Variants in ASB7 observed in about 807,000 individuals in gnomAD.
The protein encoded by ASB7 is ankyrin repeat and SOCS box protein 7.
In ASB7, 4 loss-of-function variants were observed where a neutral mutation model predicts 32.5. The ratio of observed to expected loss-of-function variants is 0.12; its 90% confidence interval spans 0.06 to 0.28. ASB7 has a LOEUF of 0.28. Among genes scored for constraint, ASB7 ranks in the 10% least tolerant of loss-of-function variants. ASB7 has a pLI of 1.00. For synonymous variants in ASB7, 172 were observed against 155.6 expected (o/e 1.11, Z -0.78); for missense variants, 181 against 407.1 (o/e 0.44, Z 4.78).
chr15:100,625,806 T>G (rs1220022069), intron 4 of ASB7, among the ~76,000 whole-genome samples: 1 of 152,154 alleles, frequency 6.6e-6, no homozygotes, highest in African/African-American at 2.4e-5. Flanking sequence ...CAGTGTGGGA[T>G]TGGTGTATGG....
chr15:100,635,943 C>T (rs1597009955), intron 5 of ASB7, among the ~76,000 whole-genome samples: 1 of 152,190 alleles, frequency 6.6e-6, no homozygotes, highest in African/African-American at 2.4e-5. Flanking sequence ...GGGTTACTCT[C>T]ACCTCCTCAT....
intron 5 of ASB7, 22 bp from the exon 6 acceptor site, chr15:100,648,301 T>A (rs1438510413): frequency 6.4e-7 from 1 of 1,566,882 alleles, no homozygotes; most frequent in Non-Finnish European, 8.6e-7. Flanking sequence ...TTTGTAACAT[T>A]TTCTTTTTTC....
In ASB7 at chr15:100,650,533, G is replaced by A. The variant is rs1030756056; in HGVS notation, c.*2071G>A. 2.6e-5 allele frequency: 4 copies of A among 152,176 alleles called. No homozygotes were observed. The highest frequency in any genetic ancestry group is 4.4e-5 in the Non-Finnish European group (3 of 68,036). The allele number at this position is 152,176 out of a possible 1,614,324, so 9.4% of individuals were successfully genotyped here. Reference sequence around the variant, plus strand: ...TGCACAAGGGCTGATTTCCACGTATGTGTGTGTTAATTTATTCACTTAGTT... The same window carrying A: ...TGCACAAGGGCTGATTTCCACGTATATGTGTGTTAATTTATTCACTTAGTT... On this transcript the variant is annotated 3_prime_UTR_variant, in exon 6 of 6. Coordinates refer to ENST00000332783, the MANE Select transcript of ASB7 (RefSeq NM_198243.3).
intron 4 of ASB7, among the ~76,000 whole-genome samples, chr15:100,612,752 A>G (rs1172548350): frequency 2.6e-5 from 4 of 152,222 alleles, no homozygotes; most frequent in Non-Finnish European, 5.9e-5. Flanking sequence ...TGGTATGCCC[A>G]TAATTAGAGA....
In ASB7 at chr15:100,648,345, C is replaced by T. The variant is rs371262240; in HGVS notation, c.840C>T (p.Asp280=). Residue 280 remains aspartate, a synonymous_variant, in exon 6 of 6, where the codon GAC becomes GAT. Coordinates refer to ENST00000332783, the MANE Select transcript of ASB7 (RefSeq NM_198243.3). ...EVTRQPRNLQ[D]LCRIKIRQCI... Reference sequence around the variant, plus strand: ...TAGGACAGCCCAGAAACTTGCAGGACCTGTGCCGAATTAAAATTCGACAAT... The same window carrying T: ...TAGGACAGCCCAGAAACTTGCAGGATCTGTGCCGAATTAAAATTCGACAAT... The T allele has an allele frequency of 1.7e-5, 28 of 1,603,878 alleles. No individual in the cohort carries two copies. The highest frequency in any genetic ancestry group is 2.1e-5 in the Non-Finnish European group (25 of 1,176,592).
At chr15:100,620,812 A>T (rs970149089) in intron 4 of ASB7, among the ~76,000 whole-genome samples, 1 of 152,244 alleles carries the variant, frequency 6.6e-6, no homozygotes, top group African/African-American at 2.4e-5. Flanking sequence ...GGAAGAGACA[A>T]TGTCTTAGTG....
At chr15:100,606,488 G>A (rs1002876563) in intron 2 of ASB7, among the ~76,000 whole-genome samples, 4 of 152,096 alleles carry the variant, frequency 2.6e-5, no homozygotes, top group Admixed American at 1.3e-4. Flanking sequence ...TTGTAACTTC[G>A]GACAGGTCTT....
rs1038792017 is a variant in ASB7 at position 100,629,204 on chromosome 15, A to C, written c.212-233A>C. ...CCGTGTTTTTTGTGTATATCTTTTT[A>C]AACACTTTGTCTTTCTCCTTTCATT... On this transcript the variant is annotated intron_variant, in intron 4 of 5. Coordinates refer to ENST00000332783, the MANE Select transcript of ASB7 (RefSeq NM_198243.3). The surrounding 1 kb of genome is among the most constrained non-coding windows in gnomAD (Gnocchi z 6.8). Among the ~76,000 whole-genome samples, 1 of 152,254 alleles carries C rather than the reference A, an allele frequency of 6.6e-6. No individual in the cohort carries two copies. The highest frequency in any genetic ancestry group is 1.5e-5 in the Non-Finnish European group (1 of 68,046).
intron 5 of ASB7, among the ~76,000 whole-genome samples, chr15:100,644,037 C>A (rs2039980942): frequency 1.3e-5 from 2 of 151,818 alleles, no homozygotes; most frequent in Non-Finnish European, 2.9e-5. Context: ...CACCTGAGGC[C>A]AGGAGTTTGA....
intron 5 of ASB7, among the ~76,000 whole-genome samples, chr15:100,644,428 A>G (rs2039983756): frequency 6.6e-6 from 1 of 152,258 alleles, no homozygotes; most frequent in South Asian, 2.1e-4. Context: ...GCCCATGAAT[A>G]GTGTTGAAAA....
At chr15:100,613,116 G>T (rs1173812161) in intron 4 of ASB7, among the ~76,000 whole-genome samples, 1 of 152,102 alleles carries the variant, frequency 6.6e-6, no homozygotes, top group Non-Finnish European at 1.5e-5. Context: ...CTAGAGATGG[G>T]TTTTTTATAT....
intron 4 of ASB7, among the ~76,000 whole-genome samples, chr15:100,617,723 G>A: frequency 6.6e-6 from 1 of 152,164 alleles, no homozygotes; most frequent in East Asian, 1.9e-4. Flanking sequence ...TAAGCGTAAT[G>A]AATTGTTTTA....
intron 2 of ASB7, among the ~76,000 whole-genome samples, chr15:100,605,023 G>A (rs2039630958): frequency 6.6e-6 from 1 of 152,214 alleles, no homozygotes. Flanking sequence ...ATGGTAAAGG[G>A]AAGGAGTCTG....
At position 100,629,156 on chromosome 15, in the gene ASB7, CAG is replaced by C. The variant is rs1264575357; in HGVS notation, c.212-280_212-279del. Among the ~76,000 whole-genome samples, 16 of 152,300 alleles carry C rather than the reference CAG, an allele frequency of 1.1e-4. No individual in the cohort carries two copies. Among genetic ancestry groups the C allele is most frequent in the South Asian group, 4.1e-4 (2 of 4,830 alleles). ...AGGCAGTTGGTTAAATTAGCAAAGA[CAG>C]GGGATGTGGTGATCTGTACTCCGTG... is the stretch of plus-strand genomic sequence containing the variant. On this transcript the variant is annotated intron_variant, in intron 4 of 5. Coordinates refer to ENST00000332783, the MANE Select transcript of ASB7 (RefSeq NM_198243.3). This position sits in a 1 kb window ranked among gnomAD's most constrained non-coding sequence, Gnocchi z 6.8.
At position 100,629,110 on chromosome 15, in the gene ASB7, A is replaced by T. The variant is rs1228855402; in HGVS notation, c.212-327A>T. The stretch of plus-strand genomic sequence containing the variant: ...AAGAGAAACATGAAACAGTGCAGAG[A>T]TGAAGGAGTTGAGTAGCCAGAGGCA... On this transcript the variant is annotated intron_variant, in intron 4 of 5. Coordinates refer to ENST00000332783, the MANE Select transcript of ASB7 (RefSeq NM_198243.3). This position sits in a 1 kb window ranked among gnomAD's most constrained non-coding sequence, Gnocchi z 6.8. Among the ~76,000 whole-genome samples the T allele has an allele frequency of 6.6e-6, 1 of 152,234 alleles. No homozygotes were observed. The highest frequency in any genetic ancestry group is 2.4e-5 in the African/African-American group (1 of 41,466).
intron 5 of ASB7, among the ~76,000 whole-genome samples, chr15:100,644,749 A>G (rs1264705784): frequency 6.6e-6 from 1 of 152,236 alleles, no homozygotes; most frequent in Non-Finnish European, 1.5e-5. Context: ...GAATCCTGAC[A>G]TAGTCTCCTG....
In ASB7 at chr15:100,649,435, G is replaced by A. The variant is rs1187438447; in HGVS notation, c.*973G>A. ...CAGAAAATTTTGTACCCTGGTGGTC[G>A]AGTCTTCCCTTAAAAATTGTTAAAT... On this transcript the variant is annotated 3_prime_UTR_variant, in exon 6 of 6. Transcript: ENST00000332783. 1.3e-5 allele frequency: 2 copies of A among 152,038 alleles called. No individual in the cohort carries two copies. The highest frequency in any genetic ancestry group is 4.8e-5 in the African/African-American group (2 of 41,392). 9.4% of individuals were successfully genotyped at this position (152,038 alleles called of 1,614,324 possible).
chr15:100,624,923 A>T (rs1363727803), intron 4 of ASB7, among the ~76,000 whole-genome samples: 1 of 152,222 alleles, frequency 6.6e-6, no homozygotes, highest in African/African-American at 2.4e-5. Context: ...TATTATGCCC[A>T]AGTAGTATTT....
intron 4 of ASB7, among the ~76,000 whole-genome samples, chr15:100,622,132 A>G (rs1320066781): frequency 6.6e-6 from 1 of 152,122 alleles, no homozygotes; most frequent in Non-Finnish European, 1.5e-5. Context: ...AATCAGTAGC[A>G]TTTCTATATA....
Sources: allele counts gnomAD v4.1 joint callset (sites outside exome capture counted in the v4.1 genomes callset), GRCh38; gene constraint gnomAD v4.1.1; non-coding constraint Gnocchi (gnomAD v3.1); transcripts MANE v1.5; gene names NCBI Gene and HGNC (gene_info 2026-07-23, HGNC 2026-07-21).